Variants in PPP2R2A observed in about 807,000 individuals in gnomAD.
PPP2R2A encodes protein phosphatase 2 regulatory subunit Balpha, also known as serine/threonine-protein phosphatase 2A 55 kDa regulatory subunit B alpha isoform.
Under a neutral mutation model 53.2 loss-of-function variants are expected in PPP2R2A, and 9 were observed. That is an observed-to-expected ratio of 0.17 (90% confidence interval 0.10 to 0.30). PPP2R2A has a LOEUF of 0.30. PPP2R2A is among the 10% of genes least tolerant of loss of function. The probability of loss-of-function intolerance (pLI) is 1.00; values close to 1 mark genes in which losing one functional copy is unlikely to be tolerated. For missense variants in PPP2R2A, 235 were observed against 534.6 expected (o/e 0.44, Z 5.53); for synonymous variants, 169 against 174.2 (o/e 0.97, Z 0.23).
intron 2 of PPP2R2A, among the ~76,000 whole-genome samples, chr8:26,298,060 G>GT (rs1271064105): frequency 6.6e-6 from 1 of 152,238 alleles, no homozygotes; most frequent in Non-Finnish European, 1.5e-5. Context: ...AGTCAGTATA[G>GT]TGGCTACCCT....
At chr8:26,361,881 A>T (rs1805104632) in intron 6 of PPP2R2A, among the ~76,000 whole-genome samples, 1 of 151,702 alleles carries the variant, frequency 6.6e-6, no homozygotes, top group African/African-American at 2.4e-5. Context: ...GAATTGCTTG[A>T]ACCTGGGAGA....
At chr8:26,337,023 A>T (rs1164411490) in intron 2 of PPP2R2A, among the ~76,000 whole-genome samples, 3 of 152,112 alleles carry the variant, frequency 2.0e-5, no homozygotes, top group Non-Finnish European at 4.4e-5. Context: ...CCTGACAAGG[A>T]GTTGTAATTA....
rs1805615820 is a variant in PPP2R2A, at chr8:26,370,520, T to C, written c.*107T>C. 1 of 1,258,056 alleles carries C rather than the reference T, an allele frequency of 7.9e-7. No homozygotes were observed. Among genetic ancestry groups the C allele is most frequent in the Admixed American group, 2.1e-5 (1 of 48,068 alleles). The allele number at this position is 1,258,056 out of a possible 1,614,324, so 77.9% of individuals were successfully genotyped here. A position where few individuals can be genotyped will look rare whatever the true frequency, so the allele number is the denominator to read the frequency against. The stretch of plus-strand genomic sequence containing the variant: ...GGTCCATTGTGGCGCCCCTTTCCAG[T>C]GTTTGACAGTGTGCCATTCGACAAC... On this transcript the variant is annotated 3_prime_UTR_variant, in exon 10 of 10. Transcript: ENST00000380737. This position sits in a 1 kb window ranked among gnomAD's most constrained non-coding sequence, Gnocchi z 6.1.
chr8:26,355,514 G>T (rs1225984363), intron 4 of PPP2R2A, among the ~76,000 whole-genome samples: 2 of 152,138 alleles, frequency 1.3e-5, no homozygotes, highest in African/African-American at 4.8e-5. Flanking sequence ...AAAGTGCTGG[G>T]ATTACACGTG....
In PPP2R2A at chr8:26,321,236, A is replaced by G. The variant is rs552461689; in HGVS notation, c.83-17654A>G. On this transcript the variant is annotated intron_variant, in intron 2 of 9. Coordinates refer to ENST00000380737, the MANE Select transcript of PPP2R2A (RefSeq NM_002717.4). This position sits in a 1 kb window ranked among gnomAD's most constrained non-coding sequence, Gnocchi z 4.1. ...AGAATTGAAGGGGGAGCCACTGGAC[A>G]ATTGGTTCATGTATTCTGTACTTTG... Among the ~76,000 whole-genome samples the G allele has an allele frequency of 6.6e-6, 1 of 152,310 alleles. No homozygotes were observed. The highest frequency in any genetic ancestry group is 1.9e-4 in the East Asian group (1 of 5,190).
chr8:26,366,449 A>G (rs1563328226), intron 9 of PPP2R2A, 43 bp downstream of exon 9: 1 of 1,428,134 alleles, frequency 7.0e-7, no homozygotes, highest in South Asian at 1.3e-5. Flanking sequence ...TATTAAAGAA[A>G]AGAAACAACT....
chr8:26,360,912 CTTAA>C lies in PPP2R2A; in HGVS notation c.460-59_460-56del. On this transcript the variant is annotated intron_variant, in intron 5 of 9. Transcript: ENST00000380737. The surrounding 1 kb of genome is among the most constrained non-coding windows in gnomAD (Gnocchi z 4.5). ...ACTGAAATAATGAAGTTTTCTGAAT[CTTAA>C]TTGCTATTTGAAACTGAGCCTTTTG... 1 of 1,464,224 alleles carries C rather than the reference CTTAA, an allele frequency of 6.8e-7. No individual in the cohort carries two copies. Among genetic ancestry groups the C allele is most frequent in the Non-Finnish European group, 9.2e-7 (1 of 1,085,788 alleles). 90.7% of individuals were successfully genotyped at this position (1,464,224 alleles called of 1,614,324 possible).
intron 2 of PPP2R2A, among the ~76,000 whole-genome samples, chr8:26,306,349 G>T (rs1032492887): frequency 2.0e-5 from 3 of 151,764 alleles, no homozygotes; most frequent in Non-Finnish European, 4.4e-5. Context: ...GGTGGCGCTT[G>T]CCTGTAATCC....
intron 2 of PPP2R2A, among the ~76,000 whole-genome samples, chr8:26,315,425 C>T (rs928315812): frequency 2.8e-4 from 42 of 152,140 alleles, no homozygotes; most frequent in African/African-American, 9.4e-4. Context: ...GGAAGATCAC[C>T]GAGCAACTCA....
intron 3 of PPP2R2A, among the ~76,000 whole-genome samples, chr8:26,351,450 C>G (rs1027354710): frequency 2.0e-5 from 3 of 152,188 alleles, no homozygotes; most frequent in Non-Finnish European, 4.4e-5. Flanking sequence ...TTTAGGTGTT[C>G]AGTGTGTGCC....
intron 4 of PPP2R2A, among the ~76,000 whole-genome samples, chr8:26,355,617 C>T (rs905432098): frequency 6.6e-6 from 1 of 152,118 alleles, no homozygotes; most frequent in Admixed American, 6.5e-5. Flanking sequence ...GTAATCCCAG[C>T]ACTTTAGGAG....
rs770779283 is a variant in PPP2R2A, at chr8:26,321,567, G to GCT, written c.83-17322_83-17321dup. On this transcript the variant is annotated intron_variant, in intron 2 of 9. Coordinates refer to ENST00000380737, the MANE Select transcript of PPP2R2A (RefSeq NM_002717.4). This position sits in a 1 kb window ranked among gnomAD's most constrained non-coding sequence, Gnocchi z 4.1. ...CATGTTGGGCTGCCCTATTTCACTT[G>GCT]CTGAGGGAAGCCAGCTACCATGTTT... 1.7e-4 allele frequency among the ~76,000 whole-genome samples: 26 copies of GCT among 152,192 alleles called. No homozygotes were observed. Among genetic ancestry groups the GCT allele is most frequent in the Non-Finnish European group, 3.4e-4 (23 of 68,038 alleles).
rs944442528 is a variant in PPP2R2A at position 26,362,797 on chromosome 8, A to G, written c.751A>G (p.Ile251Val). The G allele has an allele frequency of 6.2e-6, 10 of 1,613,982 alleles. No individual in the cohort carries two copies. The highest frequency in any genetic ancestry group is 2.7e-5 in the African/African-American group (2 of 74,928). The change falls in exon 7 of 10, where the codon ATT (isoleucine) becomes GTT (valine). Residue 251 changes from isoleucine (I) to valine (V), a missense_variant. Ile to Val is a conservative substitution (Grantham distance 29, BLOSUM62 3). Around this residue, in one of 3 missense-constraint regions of PPP2R2A, gnomAD observed 181 missense variants for 409.9 expected, o/e 0.44. Transcript: ENST00000380737. The surrounding 1 kb of genome is among the most constrained non-coding windows in gnomAD (Gnocchi z 4.4). ...TGTATACAGCAGCAGTAAAGGAACT[A>G]TTCGGCTATGTGACATGAGGGCATC... is the stretch of plus-strand genomic sequence containing the variant. ...TFVYSSSKGT[I>V]RLCDMRASAL... is the part of the protein sequence containing the mutation.
At chr8:26,316,026 T>G (rs1275549951) in intron 2 of PPP2R2A, among the ~76,000 whole-genome samples, 1 of 152,170 alleles carries the variant, frequency 6.6e-6, no homozygotes, top group Admixed American at 6.5e-5. Flanking sequence ...TTTTTTGAGG[T>G]GGAGTCTCAC....
chr8:26,332,326 A>T (rs1389267672), intron 2 of PPP2R2A, among the ~76,000 whole-genome samples: 1 of 149,132 alleles, frequency 6.7e-6, no homozygotes, highest in Non-Finnish European at 1.5e-5. Flanking sequence ...ATGCCACTGC[A>T]CTCCAGCCTG....
intron 2 of PPP2R2A, among the ~76,000 whole-genome samples, chr8:26,309,284 G>A (rs966123582): frequency 1.3e-5 from 2 of 152,226 alleles, no homozygotes; most frequent in African/African-American, 4.8e-5. Context: ...CTCTCTATCA[G>A]AGTTCTTGGA....
In PPP2R2A at chr8:26,338,508, GATT is replaced by G. The variant is rs1167728453; in HGVS notation, c.83-378_83-376del. Among the ~76,000 whole-genome samples, 1 of 152,154 alleles carries G rather than the reference GATT, an allele frequency of 6.6e-6. No individual in the cohort carries two copies. Among genetic ancestry groups the G allele is most frequent in the Non-Finnish European group, 1.5e-5 (1 of 68,030 alleles). Reference sequence around the variant, plus strand: ...AGTAATATGTGCCTTTATTATAGATGATTATTTGCATTTGCATAAACAAGCTTA... The same window carrying G: ...AGTAATATGTGCCTTTATTATAGATGATTTGCATTTGCATAAACAAGCTTA... On this transcript the variant is annotated intron_variant, in intron 2 of 9. Transcript: ENST00000380737. This position sits in a 1 kb window ranked among gnomAD's most constrained non-coding sequence, Gnocchi z 4.5.
rs200770422 is a variant in PPP2R2A, at chr8:26,319,219, AT to A, written c.83-19668del. Among the ~76,000 whole-genome samples the A allele has an allele frequency of 9.3e-3, 1,410 of 152,286 alleles. 24 individuals are homozygous for A. Among genetic ancestry groups the A allele is most frequent in the African/African-American group, 0.032 (1,317 of 41,544 alleles). On this transcript the variant is annotated intron_variant, in intron 2 of 9. Transcript: ENST00000380737. ...TTTGTTCACTCATCTCTTGATGGAC[AT>A]TTGGATTGCTTTCACCTTTTGGCTA...
At chr8:26,304,443 G>C (rs1364157891) in intron 2 of PPP2R2A, among the ~76,000 whole-genome samples, 4 of 152,168 alleles carry the variant, frequency 2.6e-5, no homozygotes, top group Non-Finnish European at 5.9e-5. Context: ...AAAAGGGATT[G>C]GGGGCAAAAT....
Sources: allele counts gnomAD v4.1 joint callset (sites outside exome capture counted in the v4.1 genomes callset), GRCh38; gene constraint gnomAD v4.1.1; regional missense constraint gnomAD v4.1.1; non-coding constraint Gnocchi (gnomAD v3.1); transcripts MANE v1.5; gene names NCBI Gene and HGNC (gene_info 2026-07-23, HGNC 2026-07-21).